The following IRAG1 variants were observed in gnomAD, a reference collection of about 807,000 sequenced individuals.
The protein encoded by IRAG1 is inositol 1,4,5-triphosphate receptor associated 1.
A neutral mutation model predicts 106.2 loss-of-function variants in IRAG1; 62 were observed. That is an observed-to-expected ratio of 0.58 (90% confidence interval 0.48 to 0.72). IRAG1 has a LOEUF of 0.72. IRAG1 is among the 30% of genes least tolerant of loss of function. The pLI is 0.00. For synonymous variants in IRAG1, 462 were observed against 443.9 expected (o/e 1.04, Z -0.51); for missense variants, 1,064 against 1,140.7 (o/e 0.93, Z 0.97).
chr11:10,592,226 T>C (rs2134210296), intron 17 of IRAG1, among the ~76,000 whole-genome samples: 1 of 152,282 alleles, frequency 6.6e-6, no homozygotes, highest in Non-Finnish European at 1.5e-5. Context: ...AGAATCTTGG[T>C]GTGGGGCCTG....
At chr11:10,590,053 G>C (rs891093704) in intron 18 of IRAG1, among the ~76,000 whole-genome samples, 1 of 152,144 alleles carries the variant, frequency 6.6e-6, no homozygotes, top group Non-Finnish European at 1.5e-5. Context: ...TAGAGTTGAG[G>C]GTTCTCTGAA....
chr11:10,593,669 A>G (rs940738602), intron 16 of IRAG1, 70 bp from the exon 17 acceptor site: 3 of 1,169,890 alleles, frequency 2.6e-6, no homozygotes, highest in Admixed American at 4.0e-5. Context: ...AAGGGCTGGG[A>G]AAAAGCCTCC....
At position 10,631,932 on chromosome 11, in the gene IRAG1, A is replaced by G. The variant is rs1564918486; in HGVS notation, c.400+59T>C. On this transcript the variant is annotated intron_variant, in intron 4 of 20. Transcript: ENST00000423302. ...CAGGAGAGAGGAAGGAGTCAAGCCC[A>G]GCCACGCTGCCAGACCTGTCTTTCT... The G allele has an allele frequency of 4.1e-6, 6 of 1,468,792 alleles. No homozygotes were observed. The East Asian group carries it at 9.1e-5, about 22-fold the overall frequency. The allele number at this position is 1,468,792 out of a possible 1,614,324, so 91.0% of individuals were successfully genotyped here. A position where few individuals can be genotyped will look rare whatever the true frequency, so the allele number is the denominator to read the frequency against.
intron 1 of IRAG1, among the ~76,000 whole-genome samples, chr11:10,671,965 C>T (rs1860267503): frequency 6.6e-6 from 1 of 152,042 alleles, no homozygotes; most frequent in Admixed American, 6.6e-5. Flanking sequence ...ATAAAACTAT[C>T]GTAATATAGT....
intron 9 of IRAG1, among the ~76,000 whole-genome samples, chr11:10,624,965 T>G (rs928203813): frequency 6.6e-6 from 1 of 152,214 alleles, no homozygotes; most frequent in African/African-American, 2.4e-5. Context: ...GGCCCTGTGC[T>G]GTTTGATCCG....
rs539522510 is a variant in IRAG1 at position 10,584,973 on chromosome 11, A to T, written c.2241-2987T>A. Among the ~76,000 whole-genome samples the T allele has an allele frequency of 5.9e-5, 9 of 152,288 alleles. No homozygotes were observed. In the South Asian group the frequency reaches 1.4e-3, roughly 25 times the overall value. ...ATATGACTCATAAAAAATCCAGGCA[A>T]TTATTTATATCATCAAGGGAGAGCT... On this transcript the variant is annotated intron_variant, in intron 18 of 20. Transcript: ENST00000423302.
intron 2 of IRAG1, among the ~76,000 whole-genome samples, chr11:10,646,515 C>T (rs574612497): frequency 3.3e-5 from 5 of 152,296 alleles, no homozygotes; most frequent in Non-Finnish European, 7.3e-5. Flanking sequence ...GGAGGAAGGC[C>T]AGCACCTCCA....
intron 20 of IRAG1, among the ~76,000 whole-genome samples, chr11:10,578,450 T>C (rs1360629802): frequency 7.2e-5 from 11 of 152,264 alleles, no homozygotes. Flanking sequence ...ATTTGTAACA[T>C]AATTGTTATA....
chr11:10,668,050 T>C (rs1034439082), intron 1 of IRAG1, among the ~76,000 whole-genome samples: 1 of 152,194 alleles, frequency 6.6e-6, no homozygotes, highest in Non-Finnish European at 1.5e-5. Flanking sequence ...TTCCAGAATA[T>C]TCCACGTGCT....
Position 10,580,603 on chromosome 11 carries a change from A to G in IRAG1, c.2361-14T>C, listed in dbSNP as rs571233485. The G allele has an allele frequency of 6.2e-7, 1 of 1,606,610 alleles. No individual in the cohort carries two copies. The highest frequency in any genetic ancestry group is 8.5e-7 in the Non-Finnish European group (1 of 1,179,068). ...CCTTCTTGGAATCTGGGGGGCAAAA[A>G]GGAACAGTTGAGTCTGGAAAGGGCA... On this transcript the variant is annotated splice_polypyrimidine_tract_variant and intron_variant, in intron 19 of 20. Transcript: ENST00000423302.
chr11:10,672,996 T>C (rs970813356), intron 1 of IRAG1, among the ~76,000 whole-genome samples: 2 of 152,166 alleles, frequency 1.3e-5, no homozygotes, highest in Non-Finnish European at 2.9e-5. Context: ...TAAAAAGGAA[T>C]GAAGAGCCAG....
At position 10,628,072 on chromosome 11, in the gene IRAG1, C is replaced by T; in HGVS notation, c.653-47G>A. 1 of 1,602,922 alleles carries T rather than the reference C, an allele frequency of 6.2e-7. No homozygotes were observed. The highest frequency in any genetic ancestry group is 8.5e-7 in the Non-Finnish European group (1 of 1,171,938). On this transcript the variant is annotated intron_variant, in intron 6 of 20. Coordinates refer to ENST00000423302, the MANE Select transcript of IRAG1 (RefSeq NM_130385.4). The surrounding 1 kb of genome is among the most constrained non-coding windows in gnomAD (Gnocchi z 4.1). ...TGAGTGAGGCCCAGCAGCCCAGGCC[C>T]TCAGCTGTGCTTTCAGCCACATCTC...
intron 2 of IRAG1, 37 bp from the exon 3 acceptor site, chr11:10,634,108 G>T: frequency 7.3e-7 from 1 of 1,375,720 alleles, no homozygotes. Flanking sequence ...GTTAGGCTTG[G>T]GCTGGTGGGA....
intron 1 of IRAG1, among the ~76,000 whole-genome samples, chr11:10,683,590 C>A (rs1320549267): frequency 6.6e-6 from 1 of 152,164 alleles, no homozygotes; most frequent in Non-Finnish European, 1.5e-5. Flanking sequence ...CAGGATGACA[C>A]CTATGGAATG....
chr11:10,603,008 G>A (rs1407429088), intron 14 of IRAG1, 112 bp downstream of exon 14: 1 of 1,256,454 alleles, frequency 8.0e-7, no homozygotes, highest in African/African-American at 1.5e-5. Context: ...AGGATGCCTG[G>A]CCCAGAGGAA....
Position 10,588,102 on chromosome 11 carries a change from G to A in IRAG1, c.2240+3446C>T, listed in dbSNP as rs190834203. 1.9e-3 allele frequency among the ~76,000 whole-genome samples: 286 copies of A among 152,296 alleles called. 1 individual carries two copies. The highest frequency in any genetic ancestry group is 6.6e-3 in the African/African-American group (275 of 41,558). On this transcript the variant is annotated intron_variant, in intron 18 of 20. Coordinates refer to ENST00000423302, the MANE Select transcript of IRAG1 (RefSeq NM_130385.4). ...AATTACCATTGTCATCAGTGCAGTA[G>A]TTAACAGTAATTACCATTGTCATCA... is the stretch of plus-strand genomic sequence containing the variant.
chr11:10,693,452 C>T (rs1862219776), intron 1 of IRAG1, 84 bp downstream of exon 1: 23 of 1,518,450 alleles, frequency 1.5e-5, no homozygotes, highest in East Asian at 2.5e-5. Flanking sequence ...CCCATCCCAG[C>T]ACCCTGTACC....
At chr11:10,651,374 T>C (rs1436661359) in intron 2 of IRAG1, among the ~76,000 whole-genome samples, 1 of 152,218 alleles carries the variant, frequency 6.6e-6, no homozygotes, top group African/African-American at 2.4e-5. Flanking sequence ...AAGAGCGAGT[T>C]ACTATGTGAA....
chr11:10,690,141 A>T (rs1478807367), intron 1 of IRAG1: 1 of 251,132 alleles, frequency 4.0e-6, no homozygotes, highest in Non-Finnish European at 7.9e-6. Flanking sequence ...CTATAATCCC[A>T]GACTTTGGGA....
Sources: allele counts gnomAD v4.1 joint callset (sites outside exome capture counted in the v4.1 genomes callset), GRCh38; gene constraint gnomAD v4.1.1; non-coding constraint Gnocchi (gnomAD v3.1); transcripts MANE v1.5; gene names NCBI Gene and HGNC (gene_info 2026-07-23, HGNC 2026-07-21).